SPOPL: variants seen among roughly 807,000 people sequenced by gnomAD.
The protein encoded by SPOPL is speckle-type POZ protein-like.
In SPOPL, 23 loss-of-function variants were observed where a neutral mutation model predicts 53.8. That is an observed-to-expected ratio of 0.43 (90% CI 0.31 to 0.61). SPOPL has a LOEUF of 0.61. Ranked by LOEUF, SPOPL falls within the 20% of genes least tolerant of loss-of-function variation. The pLI, the probability that SPOPL is intolerant of heterozygous loss-of-function variation, is 0.12. For missense variants in SPOPL, 442 were observed against 466.9 expected (o/e 0.95, Z 0.49); for synonymous variants, 164 against 149.7 (o/e 1.10, Z -0.70).
At chr2:138,545,099 A>C (rs1449153307) in intron 1 of SPOPL, among the ~76,000 whole-genome samples, 1 of 152,024 alleles carries the variant, frequency 6.6e-6, no homozygotes, top group Non-Finnish European at 1.5e-5. Context: ...ATATCCCAGA[A>C]TGCTGTCCCC....
chr2:138,520,776 C>T (rs1214092286), intron 1 of SPOPL, among the ~76,000 whole-genome samples: 1 of 152,184 alleles, frequency 6.6e-6, no homozygotes, highest in African/African-American at 2.4e-5. Flanking sequence ...AACTGCTAGT[C>T]TGGCCCATTG....
chr2:138,505,594 T>TAAAAAAA lies in SPOPL; in HGVS notation c.-61+3497_-61+3503dup, dbSNP rs1169614974. Among the ~76,000 whole-genome samples, 6 of 75,088 alleles carry TAAAAAAA rather than the reference T, an allele frequency of 8.0e-5. 1 individual carries two copies. Among genetic ancestry groups the TAAAAAAA allele is most frequent in the African/African-American group, 3.5e-4 (5 of 14,222 alleles). 49.3% of individuals were successfully genotyped at this position (75,088 alleles called of 152,430 possible). On this transcript the variant is annotated intron_variant, in intron 1 of 10. Transcript: ENST00000280098. The stretch of plus-strand genomic sequence containing the variant: ...CAACATGGTGAAACTGTGTCTCTTC[T>TAAAAAAA]AAAAAAAAAAAAAAAAAAAAAAAAA...
rs145706498 is a variant in SPOPL at position 138,517,907 on chromosome 2, G to A, written c.-61+15788G>A. On this transcript the variant is annotated intron_variant, in intron 1 of 10. Coordinates refer to ENST00000280098, the MANE Select transcript of SPOPL (RefSeq NM_001001664.3). ...TACTAAAAATACAAAAATTAGCTGG[G>A]TGTGGTGGCGCACACCTGTAATCCC... Among the ~76,000 whole-genome samples the A allele has an allele frequency of 3.4e-3, 524 of 151,934 alleles. 2 individuals carry two copies. Among genetic ancestry groups the A allele is most frequent in the Middle Eastern group, 0.014 (4 of 294 alleles).
At chr2:138,511,710 T>G (rs1316032887) in intron 1 of SPOPL, among the ~76,000 whole-genome samples, 2 of 152,182 alleles carry the variant, frequency 1.3e-5, no homozygotes, top group African/African-American at 4.8e-5. Flanking sequence ...TTAGAATTAG[T>G]GAAAGGTGGA....
chr2:138,560,799 T>C lies in SPOPL; in HGVS notation c.715-6T>C. 1 of 1,577,808 alleles carries C rather than the reference T, an allele frequency of 6.3e-7. No homozygotes were observed. Among genetic ancestry groups the C allele is most frequent in the Non-Finnish European group, 8.6e-7 (1 of 1,169,086 alleles). ...TTAACATTTTTGTGTTGTTTTTCGA[T>C]ATCAGAATCGAGTGGAAATAAATGA... On this transcript the variant is annotated splice_region_variant and splice_polypyrimidine_tract_variant and intron_variant, in intron 7 of 10. Transcript: ENST00000280098.
intron 1 of SPOPL, among the ~76,000 whole-genome samples, chr2:138,512,096 ATGCT>A: frequency 6.6e-6 from 1 of 152,306 alleles, no homozygotes; most frequent in South Asian, 2.1e-4. Context: ...ATCTAAGTAG[ATGCT>A]TGCTTAAAAG....
Position 138,560,968 on chromosome 2 carries a change from G to A in SPOPL, c.837+41G>A. On this transcript the variant is annotated intron_variant, in intron 8 of 10. Transcript: ENST00000280098. ...TTAAGGAACCAAAATATACCCTCAA[G>A]CTTGATTTATATAGAAAGCTGTCAT... The A allele has an allele frequency of 1.3e-6, 2 of 1,582,256 alleles. 1 individual carries two copies. Among genetic ancestry groups the A allele is most frequent in the Middle Eastern group, 3.4e-4 (2 of 5,958 alleles).
chr2:138,537,675 T>C (rs1352611014), intron 1 of SPOPL, among the ~76,000 whole-genome samples: 1 of 152,144 alleles, frequency 6.6e-6, no homozygotes, highest in Admixed American at 6.5e-5. Flanking sequence ...ACTGGACCTG[T>C]TGGAAGAGGG....
chr2:138,544,219 G>C (rs1685139350), intron 1 of SPOPL, among the ~76,000 whole-genome samples: 1 of 152,198 alleles, frequency 6.6e-6, no homozygotes, highest in African/African-American at 2.4e-5. Context: ...GTTCTCAGAT[G>C]TCCAGCTGCG....
At chr2:138,513,764 CT>C (rs1329268598) in intron 1 of SPOPL, among the ~76,000 whole-genome samples, 2 of 148,096 alleles carry the variant, frequency 1.4e-5, no homozygotes, top group Non-Finnish European at 3.0e-5. Context: ...AAAAAATTGG[CT>C]TTTGCATTCT....
chr2:138,544,813 C>G (rs1292810438), intron 1 of SPOPL, among the ~76,000 whole-genome samples: 1 of 152,232 alleles, frequency 6.6e-6, no homozygotes, highest in Non-Finnish European at 1.5e-5. Context: ...AATCACCCAT[C>G]TTCTGCGTCG....
chr2:138,505,618 A>AT lies in SPOPL; in HGVS notation c.-61+3499_-61+3500insT, dbSNP rs1684200369. On this transcript the variant is annotated intron_variant, in intron 1 of 10. Coordinates refer to ENST00000280098, the MANE Select transcript of SPOPL (RefSeq NM_001001664.3). ...CTAAAAAAAAAAAAAAAAAAAAAAAAAAAATAGTTAGTTGGGTGTGGTGGC... is the reference window on the plus strand; with the variant it reads ...CTAAAAAAAAAAAAAAAAAAAAAAAATAAAATAGTTAGTTGGGTGTGGTGGC... Among the ~76,000 whole-genome samples, 3 of 129,444 alleles carry AT rather than the reference A, an allele frequency of 2.3e-5. No homozygotes were observed. In the South Asian group the frequency reaches 7.3e-4, roughly 32 times the overall value. 84.9% of individuals were successfully genotyped at this position (129,444 alleles called of 152,430 possible).
intron 1 of SPOPL, among the ~76,000 whole-genome samples, chr2:138,527,973 G>A (rs919895277): frequency 1.2e-4 from 18 of 152,162 alleles, no homozygotes; most frequent in Non-Finnish European, 1.8e-4. Flanking sequence ...TTTTGTGTGG[G>A]AGAGTGCTCT....
chr2:138,527,304 C>T (rs796720386), intron 1 of SPOPL, among the ~76,000 whole-genome samples: 1 of 152,110 alleles, frequency 6.6e-6, no homozygotes, highest in African/African-American at 2.4e-5. Context: ...TATATATCTC[C>T]GTTGTTCCTA....
chr2:138,569,159 A>G lies in SPOPL; in HGVS notation c.*79A>G. On this transcript the variant is annotated 3_prime_UTR_variant, in exon 11 of 11. Transcript: ENST00000280098. ...GAAGGATTCTAATACACAAACCATAAGCAAGAGTTGTTTCTGTTATTTTGT... is the reference window on the plus strand; with the variant it reads ...GAAGGATTCTAATACACAAACCATAGGCAAGAGTTGTTTCTGTTATTTTGT... The G allele has an allele frequency of 6.8e-7, 1 of 1,466,048 alleles. No individual in the cohort carries two copies. Among genetic ancestry groups the G allele is most frequent in the Non-Finnish European group, 9.3e-7 (1 of 1,075,400 alleles). The allele number at this position is 1,466,048 out of a possible 1,614,324, so 90.8% of individuals were successfully genotyped here. A position where few individuals can be genotyped will look rare whatever the true frequency, so the allele number is the denominator to read the frequency against.
chr2:138,551,231 T>A (rs1558876536), intron 4 of SPOPL, among the ~76,000 whole-genome samples, 177 bp downstream of exon 4: 3 of 152,082 alleles, frequency 2.0e-5, no homozygotes, highest in Non-Finnish European at 4.4e-5. Flanking sequence ...TTACTGAGTC[T>A]TAGACTTCGT....
At chr2:138,555,985 A>T (rs1396157962) in intron 5 of SPOPL, among the ~76,000 whole-genome samples, 1 of 152,080 alleles carries the variant, frequency 6.6e-6, no homozygotes, top group African/African-American at 2.4e-5. Flanking sequence ...AGCATTCATT[A>T]CCTGCATTTG....
At chr2:138,560,693 C>A in intron 7 of SPOPL, 112 bp from the exon 8 acceptor site, 1 of 1,169,374 alleles carries the variant, frequency 8.6e-7, no homozygotes, top group Non-Finnish European at 1.2e-6. Flanking sequence ...TTGAGTTATA[C>A]ACTATTTTAG....
intron 1 of SPOPL, among the ~76,000 whole-genome samples, chr2:138,510,418 T>A (rs1295717691): frequency 6.6e-6 from 1 of 152,222 alleles, no homozygotes; most frequent in East Asian, 1.9e-4. Context: ...AGTCTATAGA[T>A]GTCCATTATG....
Sources: allele counts gnomAD v4.1 joint callset (sites outside exome capture counted in the v4.1 genomes callset), GRCh38; gene constraint gnomAD v4.1.1; transcripts MANE v1.5; gene names NCBI Gene and HGNC (gene_info 2026-07-23, HGNC 2026-07-21).